Variants in PCDHGA1 observed in about 807,000 individuals in gnomAD.
PCDHGA1 encodes the protein protocadherin gamma-A1.
In PCDHGA1, 32 loss-of-function variants were observed where a neutral mutation model predicts 58.0. The observed-to-expected ratio is 0.55, with a 90% confidence interval of 0.42 to 0.74. The LOEUF is 0.74. Ranked by LOEUF, PCDHGA1 falls within the 30% of genes least tolerant of loss-of-function variation. PCDHGA1 has a pLI of 0.00. For synonymous variants in PCDHGA1, 498 were observed against 501.1 expected (o/e 0.99, Z 0.08); for missense variants, 1,205 against 1,182.3 (o/e 1.02, Z -0.28).
chr5:141,429,390 A>ATT (rs1561841316), intron 1 of PCDHGA1, among the ~76,000 whole-genome samples: 8 of 150,216 alleles, frequency 5.3e-5, no homozygotes, highest in African/African-American at 1.7e-4. Flanking sequence ...TTTTTTTTAA[A>ATT]AAAAATTGAG....
intron 1 of PCDHGA1, among the ~76,000 whole-genome samples, chr5:141,401,347 A>T (rs2094143126): frequency 6.6e-6 from 1 of 152,228 alleles, no homozygotes; most frequent in South Asian, 2.1e-4. Context: ...CATCTCAAAA[A>T]AAAGGAAGGA....
rs3074541 is a variant in PCDHGA1 at position 141,433,358 on chromosome 5, CCTATCTATCTATCTATCTATCTAT to C, written c.2422-61424_2422-61401del. 6 of 503,934 alleles carry C rather than the reference CCTATCTATCTATCTATCTATCTAT, an allele frequency of 1.2e-5. No homozygotes were observed. In the Admixed American group the frequency reaches 1.5e-4, roughly 12 times the overall value. The allele number at this position is 503,934 out of a possible 1,614,324, so 31.2% of individuals were successfully genotyped here. ...ACAGGTGCAAGCCACCTACTGTCTG[CCTATCTATCTATCTATCTATCTAT>C]CTATCTATCTATCTATCTATCTATT... On this transcript the variant is annotated intron_variant, in intron 1 of 3. Transcript: ENST00000517417.
chr5:141,420,251 G>A lies in PCDHGA1; in HGVS notation c.2422-74556G>A, dbSNP rs778777293. ...TAGCATTTTAACTCCCAGCGTTGAA[G>A]CAGATAAGAAGATTCTTAAACAGGT... is the stretch of plus-strand genomic sequence containing the variant. On this transcript the variant is annotated intron_variant, in intron 1 of 3. Transcript: ENST00000517417. The A allele has an allele frequency of 2.9e-5, 46 of 1,578,746 alleles. No homozygotes were observed. In the South Asian group the frequency reaches 4.5e-4, roughly 15 times the overall value.
At chr5:141,496,583 C>A (rs990137003) in intron 2 of PCDHGA1, among the ~76,000 whole-genome samples, 1 of 152,168 alleles carries the variant, frequency 6.6e-6, no homozygotes, top group African/African-American at 2.4e-5. Flanking sequence ...TTTAGGAACG[C>A]AAAGCGCTTC....
intron 1 of PCDHGA1, chr5:141,370,805 C>T: frequency 6.2e-7 from 1 of 1,614,026 alleles, no homozygotes; most frequent in Non-Finnish European, 8.5e-7. Flanking sequence ...GCCAAAATAT[C>T]ACTGAGCTGG....
intron 1 of PCDHGA1, chr5:141,418,432 T>C (rs954268296): frequency 1.9e-6 from 3 of 1,613,838 alleles, no homozygotes; most frequent in African/African-American, 1.3e-5. Context: ...GTGGCAAATA[T>C]CCAGAATTAG....
intron 1 of PCDHGA1, chr5:141,375,794 G>T (rs754100940): frequency 6.2e-7 from 1 of 1,614,170 alleles, no homozygotes; most frequent in Non-Finnish European, 8.5e-7. Context: ...CCCCACAGAC[G>T]GTTCCACTGG....
chr5:141,414,375 G>C, intron 1 of PCDHGA1: 1 of 1,613,854 alleles, frequency 6.2e-7, no homozygotes, highest in Non-Finnish European at 8.5e-7. Flanking sequence ...AATTAGAAAA[G>C]TCCATTGACA....
chr5:141,477,189 A>G lies in PCDHGA1; in HGVS notation c.2422-17618A>G, dbSNP rs377372902. ...CCGGAGATCACAGTCACCTCCGTGT[A>G]CAGCCCAGTACCCGAGGATGCCCCT... On this transcript the variant is annotated intron_variant, in intron 1 of 3. Coordinates refer to ENST00000517417, the MANE Select transcript of PCDHGA1 (RefSeq NM_018912.3). The surrounding 1 kb of genome is among the most constrained non-coding windows in gnomAD (Gnocchi z 4.9). 6.2e-7 allele frequency: 1 copy of G among 1,614,070 alleles called. No homozygotes were observed. The highest frequency in any genetic ancestry group is 8.5e-7 in the Non-Finnish European group (1 of 1,180,040).
chr5:141,506,742 A>G (rs1475692668), intron 3 of PCDHGA1, among the ~76,000 whole-genome samples: 5 of 152,172 alleles, frequency 3.3e-5, no homozygotes, highest in Non-Finnish European at 7.3e-5. Context: ...AATGCCTATT[A>G]ATAAAGACTA....
intron 1 of PCDHGA1, chr5:141,350,531 A>C (rs1342791727): frequency 6.2e-7 from 1 of 1,614,042 alleles, no homozygotes. Context: ...AGATCGAGAG[A>C]AGATTTGCGG....
intron 1 of PCDHGA1, chr5:141,371,833 A>G (rs1171503468): frequency 1.2e-6 from 2 of 1,613,634 alleles, no homozygotes; most frequent in African/African-American, 2.7e-5. Flanking sequence ...TCGGATCCCG[A>G]CTTGGGACCT....
intron 2 of PCDHGA1, among the ~76,000 whole-genome samples, chr5:141,498,112 AG>A (rs947089103): frequency 2.0e-5 from 3 of 152,232 alleles, no homozygotes; most frequent in African/African-American, 7.2e-5. Flanking sequence ...GGCGTATAAT[AG>A]GGATTTGATT....
At chr5:141,448,893 C>G (rs957997508) in intron 1 of PCDHGA1, among the ~76,000 whole-genome samples, 2 of 151,948 alleles carry the variant, frequency 1.3e-5, no homozygotes, top group Non-Finnish European at 2.9e-5. Flanking sequence ...TGCAGTGAGC[C>G]GAGATCGTGC....
chr5:141,505,270 G>C, intron 2 of PCDHGA1, 123 bp from the exon 3 acceptor site: 1 of 1,520,726 alleles, frequency 6.6e-7, no homozygotes, highest in African/African-American at 1.4e-5. Context: ...CTTGCTGAGA[G>C]AAACAGGTCT....
intron 1 of PCDHGA1, chr5:141,346,302 G>A (rs1251482348): frequency 1.9e-6 from 3 of 1,614,060 alleles, no homozygotes; most frequent in African/African-American, 2.7e-5. Flanking sequence ...TTCCCACGAG[G>A]TCTCCCTCAC....
intron 1 of PCDHGA1, chr5:141,376,036 G>T: frequency 6.2e-7 from 1 of 1,613,116 alleles, no homozygotes; most frequent in Non-Finnish European, 8.5e-7. Context: ...ACCACGGCCA[G>T]CCCCCTCTCT....
intron 1 of PCDHGA1, chr5:141,364,922 C>G: frequency 1.2e-6 from 2 of 1,613,948 alleles, no homozygotes; most frequent in Non-Finnish European, 8.5e-7. Context: ...GGTGTTGGAA[C>G]AGCCCCTAGA....
chr5:141,488,793 C>G (rs1274193018), intron 1 of PCDHGA1, among the ~76,000 whole-genome samples: 1 of 152,172 alleles, frequency 6.6e-6, no homozygotes, highest in African/African-American at 2.4e-5. Context: ...TTTGTCTTCC[C>G]TGTTGAGTAC....
Sources: gnomAD v4.1 joint callset for allele counts (sites outside exome capture counted in the v4.1 genomes callset) on GRCh38, gnomAD v4.1.1 for gene constraint, Gnocchi (gnomAD v3.1) non-coding constraint, MANE v1.5 for transcripts, NCBI Gene and HGNC (gene_info 2026-07-23, HGNC 2026-07-21) for gene names.